Variants in NHS observed in about 807,000 individuals in gnomAD.
The protein encoded by NHS is NHS actin remodeling regulator, also known as actin remodeling regulator NHS.
In NHS, 5 loss-of-function variants were observed where a neutral mutation model predicts 72.5. The observed-to-expected ratio is 0.07, with a 90% CI of 0.04 to 0.14. NHS has a LOEUF of 0.14. NHS is among the 10% of genes least tolerant of loss of function. The probability of loss-of-function intolerance (pLI) is 1.00; values close to 1 mark genes in which losing one functional copy is unlikely to be tolerated. For missense variants in NHS, 1,072 were observed against 1,355.7 expected (o/e 0.79, Z 3.29); for synonymous variants, 464 against 547.7 (o/e 0.85, Z 2.13).
At chrX:17,606,272 G>T (rs1316467544) in intron 1 of NHS, among the ~76,000 whole-genome samples, 1 of 111,920 alleles carries the variant, frequency 8.9e-6, no homozygotes, top group Non-Finnish European at 1.9e-5. Context: ...CCTGGCCATG[G>T]TGGTTCCTGG....
intron 1 of NHS, among the ~76,000 whole-genome samples, chrX:17,599,640 A>G (rs2065640137): frequency 9.0e-6 from 1 of 110,646 alleles, no homozygotes; most frequent in Non-Finnish European, 1.9e-5. Flanking sequence ...ATTATCATTC[A>G]CATAATTATT....
At chrX:17,571,572 T>C (rs142286900) in intron 1 of NHS, among the ~76,000 whole-genome samples, 2,993 of 111,906 alleles carry the variant, frequency 0.027, 87 homozygotes, top group Admixed American at 0.073. Flanking sequence ...TCTTTATTAG[T>C]CTTGCTAGTG....
intron 1 of NHS, among the ~76,000 whole-genome samples, chrX:17,642,129 G>A (rs1053701870): frequency 1.8e-5 from 2 of 111,699 alleles, no homozygotes; most frequent in African/African-American, 6.5e-5. Context: ...TGTATTTTTG[G>A]TAGAGAAGGA....
At chrX:17,728,593 G>A in intron 7 of NHS, 56 bp from the exon 8 acceptor site, 2 of 1,186,715 alleles carry the variant, frequency 1.7e-6, no homozygotes, top group Non-Finnish European at 2.3e-6. Context: ...AGTCAGTGAA[G>A]TACAGTAGCG....
rs771568499 is a variant in NHS, at chrX:17,476,070, G to T, written c.565+99748G>T. Among the ~76,000 whole-genome samples, 5 of 112,155 alleles carry T rather than the reference G, an allele frequency of 4.5e-5. No homozygotes were observed. The East Asian group carries it at 1.1e-3, about 25-fold the overall frequency. ...GGGTGAGACTGGAGACCAAGAAAGG[G>T]TGTAAAAGTGGGGAGGGATTGGCAG... On this transcript the variant is annotated intron_variant, in intron 1 of 8. Coordinates refer to ENST00000676302, the MANE Select transcript of NHS (RefSeq NM_001291867.2).
At position 17,731,890 on chromosome X, in the gene NHS, C is replaced by T. The variant is rs775143015; in HGVS notation, c.4382C>T (p.Ser1461Phe). The T allele has an allele frequency of 1.7e-6, 2 of 1,200,690 alleles. No individual in the cohort carries two copies. Among genetic ancestry groups the T allele is most frequent in the Non-Finnish European group, 1.1e-6 (1 of 889,921 alleles). Residue 1461 changes from serine (S) to phenylalanine (F), a missense_variant, in exon 9 of 9, where the codon TCC becomes TTC. Ser to Phe is a radical substitution (Grantham distance 155, BLOSUM62 -2). Coordinates refer to ENST00000676302, the MANE Select transcript of NHS (RefSeq NM_001291867.2). ...SKRKVLGRKD[S>F]GDMSVRSKSR... is the part of the protein sequence containing the mutation. ...AGGAAAGTACTTGGAAGAAAAGATT[C>T]CGGGGACATGTCTGTTCGAAGCAAA...
At chrX:17,445,496 G>T (rs1490238261) in intron 1 of NHS, among the ~76,000 whole-genome samples, 1 of 110,719 alleles carries the variant, frequency 9.0e-6, no homozygotes, top group Admixed American at 9.6e-5. Context: ...CCATGTTGTT[G>T]TGTGTAGCTG....
At chrX:17,422,589 A>T (rs1312585798) in intron 1 of NHS, among the ~76,000 whole-genome samples, 1 of 110,677 alleles carries the variant, frequency 9.0e-6, no homozygotes, top group Non-Finnish European at 1.9e-5. Context: ...CCTGTTCTCC[A>T]CTCACTGGGT....
At chrX:17,593,869 G>A (rs1265371901) in intron 1 of NHS, among the ~76,000 whole-genome samples, 1 of 111,913 alleles carries the variant, frequency 8.9e-6, no homozygotes, top group Non-Finnish European at 1.9e-5. Context: ...GGGAAAGTAG[G>A]TGGATGGATG....
At chrX:17,538,223 G>T (rs746155916) in intron 1 of NHS, among the ~76,000 whole-genome samples, 53 of 112,156 alleles carry the variant, frequency 4.7e-4, no homozygotes, top group South Asian at 1.1e-3. Flanking sequence ...TCATTTTCAG[G>T]TGCGGGAGCT....
At chrX:17,440,028 G>A (rs758501571) in intron 1 of NHS, among the ~76,000 whole-genome samples, 4 of 110,710 alleles carry the variant, frequency 3.6e-5, no homozygotes, top group African/African-American at 9.9e-5. Context: ...GGGAGGCTGA[G>A]GCAGGTGGAT....
At chrX:17,610,032 C>T (rs778570930) in intron 1 of NHS, among the ~76,000 whole-genome samples, 15 of 112,062 alleles carry the variant, frequency 1.3e-4, no homozygotes, top group Middle Eastern at 4.6e-3. Context: ...TATACTAGCC[C>T]GCCAGTTGAG....
At chrX:17,695,532 G>A (rs1471421302) in intron 3 of NHS, among the ~76,000 whole-genome samples, 2 of 111,358 alleles carry the variant, frequency 1.8e-5, no homozygotes, top group South Asian at 3.8e-4. Context: ...ATATACATAC[G>A]CATAGGGGGA....
At chrX:17,528,121 A>G (rs967033483) in intron 1 of NHS, among the ~76,000 whole-genome samples, 3 of 111,801 alleles carry the variant, frequency 2.7e-5, no homozygotes, top group Admixed American at 1.9e-4. Flanking sequence ...CCTCACCCCC[A>G]GGGGACATGT....
rs771287093 is a variant in NHS, at chrX:17,522,350, A to G, written c.565+146028A>G. Among the ~76,000 whole-genome samples the G allele has an allele frequency of 6.3e-5, 7 of 111,577 alleles. No individual in the cohort carries two copies. The South Asian group carries it at 2.6e-3, about 42-fold the overall frequency. On this transcript the variant is annotated intron_variant, in intron 1 of 8. Transcript: ENST00000676302. ...GGAGGAAGAGCTGGAGAATATTTCA[A>G]CCTTGGCTTTTTCCAGATGGTTTGG...
chrX:17,470,447 A>G (rs1049822941), intron 1 of NHS, among the ~76,000 whole-genome samples: 1 of 111,867 alleles, frequency 8.9e-6, no homozygotes, highest in Non-Finnish European at 1.9e-5. Context: ...AGACAGGCCC[A>G]CATGAAACTG....
At chrX:17,561,397 C>T (rs776446252) in intron 1 of NHS, among the ~76,000 whole-genome samples, 4 of 110,099 alleles carry the variant, frequency 3.6e-5, no homozygotes, top group Non-Finnish European at 7.6e-5. Context: ...ATTCCAGCGT[C>T]TGGGAAGGAG....
intron 3 of NHS, among the ~76,000 whole-genome samples, chrX:17,695,868 T>C (rs1226092022): frequency 2.0e-5 from 2 of 101,135 alleles, no homozygotes; most frequent in Non-Finnish European, 4.0e-5. Flanking sequence ...TTAAAGCCCA[T>C]CTAAGAGTCC....
At chrX:17,689,895 A>G (rs2066185539) in intron 2 of NHS, among the ~76,000 whole-genome samples, 2 of 112,257 alleles carry the variant, frequency 1.8e-5, no homozygotes, top group South Asian at 3.7e-4. Context: ...ATTCCACCAG[A>G]TAACACCAAG....
Sources: allele counts gnomAD v4.1 joint callset (sites outside exome capture counted in the v4.1 genomes callset), GRCh38; gene constraint gnomAD v4.1.1; transcripts MANE v1.5; gene names NCBI Gene and HGNC (gene_info 2026-07-23, HGNC 2026-07-21).